Variants in FHOD3 observed in about 807,000 individuals in gnomAD.
FHOD3 encodes the protein formin homology 2 domain containing 3.
FHOD3 carries 90 observed loss-of-function variants against 173.0 expected under a neutral mutation model. The observed-to-expected ratio is 0.52, with a 90% CI of 0.44 to 0.62. The LOEUF (loss-of-function observed/expected upper bound fraction) is 0.62, where lower values mean the gene tolerates loss of function less well. FHOD3 is among the 20% of genes least tolerant of loss of function. The probability of loss-of-function intolerance (pLI) is 0.00; values close to 1 mark genes in which losing one functional copy is unlikely to be tolerated. For synonymous variants in FHOD3, 828 were observed against 823.0 expected, an observed-to-expected ratio of 1.01 and a Z score of -0.10; for missense variants, 1,945 against 2,034.7, an observed-to-expected ratio of 0.96 and a Z score of 0.85.
At chr18:36,698,512 C>A (rs980690802) in intron 17 of FHOD3, among the ~76,000 whole-genome samples, 2 of 152,108 alleles carry the variant, frequency 1.3e-5, no homozygotes, top group African/African-American at 4.8e-5. Flanking sequence ...ATAGCTTGAA[C>A]CCAGGAGTTC....
intron 5 of FHOD3, 56 bp downstream of exon 5, chr18:36,512,599 C>T: frequency 1.6e-6 from 2 of 1,283,356 alleles, no homozygotes; most frequent in South Asian, 1.2e-5. Flanking sequence ...GATCTGGGTT[C>T]ACCTTCAGGA....
intron 14 of FHOD3, among the ~76,000 whole-genome samples, chr18:36,660,502 C>A (rs1215484698): frequency 1.3e-5 from 2 of 152,164 alleles, no homozygotes; most frequent in South Asian, 4.1e-4. Context: ...ATGACCGTGC[C>A]CAACATGGCA....
intron 1 of FHOD3, among the ~76,000 whole-genome samples, chr18:36,315,954 G>A (rs567684004): frequency 1.5e-4 from 23 of 152,154 alleles, no homozygotes; most frequent in African/African-American, 4.8e-4. Context: ...GCCACTGCAC[G>A]CACCGTTCTG....
intron 5 of FHOD3, among the ~76,000 whole-genome samples, chr18:36,531,646 A>C (rs572521085): frequency 4.6e-5 from 7 of 152,352 alleles, no homozygotes; most frequent in African/African-American, 1.4e-4. Context: ...TGATACGAAC[A>C]AACATTGCTT....
chr18:36,761,256 C>T (rs1433657587), intron 27 of FHOD3, among the ~76,000 whole-genome samples: 5 of 152,210 alleles, frequency 3.3e-5, no homozygotes, highest in African/African-American at 1.2e-4. Flanking sequence ...AGCACTACCC[C>T]TTTGTCCCTT....
chr18:36,634,708 G>A (rs890741062), intron 10 of FHOD3, among the ~76,000 whole-genome samples: 7 of 152,174 alleles, frequency 4.6e-5, no homozygotes, highest in African/African-American at 1.7e-4. Flanking sequence ...GTAAACTCAG[G>A]ATGATGGTAC....
intron 3 of FHOD3, among the ~76,000 whole-genome samples, chr18:36,489,333 GC>G (rs1338445482): frequency 2.0e-5 from 3 of 152,154 alleles, no homozygotes; most frequent in Non-Finnish European, 4.4e-5. Context: ...CAGCCATTGT[GC>G]CATGGCCATC....
chr18:36,523,511 G>A (rs895075615), intron 5 of FHOD3, among the ~76,000 whole-genome samples: 5 of 152,222 alleles, frequency 3.3e-5, no homozygotes, highest in African/African-American at 4.8e-5. Flanking sequence ...GATTAGGGAA[G>A]TCTGTCAGTA....
At chr18:36,605,865 A>G (rs1397796918) in intron 8 of FHOD3, among the ~76,000 whole-genome samples, 2 of 152,240 alleles carry the variant, frequency 1.3e-5, no homozygotes, top group South Asian at 2.1e-4. Flanking sequence ...AAGTATTGAT[A>G]TCAACAAAAT....
At chr18:36,365,753 G>T (rs989877516) in intron 2 of FHOD3, among the ~76,000 whole-genome samples, 1 of 152,062 alleles carries the variant, frequency 6.6e-6, no homozygotes, top group Non-Finnish European at 1.5e-5. Context: ...GGTGACGGCC[G>T]GGCTAGGTGT....
At chr18:36,305,130 G>GA (rs1032061301) in intron 1 of FHOD3, among the ~76,000 whole-genome samples, 3 of 151,574 alleles carry the variant, frequency 2.0e-5, no homozygotes, top group South Asian at 2.1e-4. Context: ...ATTATTTTTT[G>GA]AAAAAAAATT....
At chr18:36,590,965 G>A (rs560882591) in intron 6 of FHOD3, among the ~76,000 whole-genome samples, 11 of 152,310 alleles carry the variant, frequency 7.2e-5, no homozygotes, top group African/African-American at 2.6e-4. Context: ...GCTAATGGGG[G>A]GAGTGGGTTG....
intron 22 of FHOD3, 87 bp downstream of exon 22, chr18:36,742,943 T>C: frequency 6.6e-7 from 1 of 1,504,794 alleles, no homozygotes; most frequent in Non-Finnish European, 9.0e-7. Context: ...GTACCTCAGG[T>C]TCCCCAAAGC....
intron 5 of FHOD3, among the ~76,000 whole-genome samples, chr18:36,513,098 T>C (rs2055750803): frequency 6.6e-6 from 1 of 152,062 alleles, no homozygotes; most frequent in Admixed American, 6.6e-5. Context: ...GAAGCACTGA[T>C]TCCTGTTCCA....
At chr18:36,523,260 T>C (rs968789783) in intron 5 of FHOD3, among the ~76,000 whole-genome samples, 1 of 152,204 alleles carries the variant, frequency 6.6e-6, no homozygotes, top group Admixed American at 6.5e-5. Flanking sequence ...TAAATGTCAT[T>C]GGATAAATAA....
chr18:36,328,205 G>T (rs1391234608), intron 1 of FHOD3, among the ~76,000 whole-genome samples: 2 of 152,186 alleles, frequency 1.3e-5, no homozygotes, highest in Non-Finnish European at 2.9e-5. Flanking sequence ...TTGGCAGGTG[G>T]TAAAGATAAA....
intron 6 of FHOD3, among the ~76,000 whole-genome samples, chr18:36,585,721 A>G (rs1479891342): frequency 6.6e-6 from 1 of 152,236 alleles, no homozygotes; most frequent in African/African-American, 2.4e-5. Context: ...TGTGAACGCA[A>G]GAAGCAGAAA....
At chr18:36,770,005 A>G (rs895762559) in intron 28 of FHOD3, among the ~76,000 whole-genome samples, 2 of 152,078 alleles carry the variant, frequency 1.3e-5, no homozygotes, top group Non-Finnish European at 2.9e-5. Context: ...AAAGTGACTG[A>G]TTTTCCTTTT....
chr18:36,758,307 C>T (rs2042719137), intron 25 of FHOD3, among the ~76,000 whole-genome samples: 1 of 152,190 alleles, frequency 6.6e-6, no homozygotes, highest in Non-Finnish European at 1.5e-5. Flanking sequence ...ACCTCACAGA[C>T]ACTCCTAAAT....
Sources: gnomAD v4.1 joint callset for allele counts (sites outside exome capture counted in the v4.1 genomes callset) on GRCh38, gnomAD v4.1.1 for gene constraint, MANE v1.5 for transcripts, NCBI Gene and HGNC (gene_info 2026-07-23, HGNC 2026-07-21) for gene names.